The following KCTD13 variants were observed in gnomAD, a reference collection of about 807,000 sequenced individuals.
The protein encoded by KCTD13 is potassium channel tetramerization domain containing 13.
KCTD13 carries 15 observed loss-of-function variants against 32.3 expected under a neutral mutation model. The ratio of observed to expected loss-of-function variants is 0.46; its 90% CI spans 0.31 to 0.71. The LOEUF is 0.71. KCTD13 is among the 30% of genes least tolerant of loss of function. KCTD13 has a pLI of 0.05. For missense variants in KCTD13, 337 were observed against 452.6 expected, an observed-to-expected ratio of 0.74 and a Z score of 2.32; for synonymous variants, 189 against 200.1, an observed-to-expected ratio of 0.94 and a Z score of 0.47.
intron 5 of KCTD13, among the ~76,000 whole-genome samples, chr16:29,909,658 A>G (rs554970350): frequency 6.0e-5 from 9 of 150,728 alleles, no homozygotes; most frequent in Admixed American, 2.0e-4. Flanking sequence ...TTAAGAATCT[A>G]TTTTTGGCAA....
intron 2 of KCTD13, chr16:29,922,614 A>G (rs1353742527): frequency 6.2e-6 from 1 of 161,576 alleles, no homozygotes; most frequent in Non-Finnish European, 1.3e-5. Context: ...GGGGTCCACA[A>G]AAGTGGAGCC....
chr16:29,925,948 G>A lies in KCTD13; in HGVS notation c.86C>T (p.Ala29Val). 1 of 1,613,732 alleles carries A rather than the reference G, an allele frequency of 6.2e-7. No individual in the cohort carries two copies. Among genetic ancestry groups the A allele is most frequent in the Non-Finnish European group, 8.5e-7 (1 of 1,179,854 alleles). The stretch of plus-strand genomic sequence containing the variant: ...GGTCAGCGGCTTGAGACCGTAGGCG[G>A]CGGGGCCAGGCTCGAGACCCGAGGG... ...PKPSGLEPGPAAYGLKPLTPN... is the reference protein window; with the variant it reads ...PKPSGLEPGPVAYGLKPLTPN... The change falls in exon 1 of 6, where the codon GCC (alanine) becomes GTC (valine). Residue 29 changes from alanine (A) to valine (V), a missense_variant. By Grantham distance (64) the Ala-to-Val change is moderately conservative (BLOSUM62 0). Around this residue, in one of 3 missense-constraint regions of KCTD13, gnomAD observed 64 missense variants for 59.6 expected, o/e 1.07. Transcript: ENST00000568000.
In KCTD13 at chr16:29,906,961, G is replaced by A; in HGVS notation, c.901C>T (p.Arg301Ter). The change falls in exon 6 of 6, where the codon CGA (arginine) becomes TGA (stop). Residue 301 changes from arginine (R) to a stop codon, truncating the protein, a stop_gained. Coordinates refer to ENST00000568000, the MANE Select transcript of KCTD13 (RefSeq NM_178863.5). LOFTEE classifies it high-confidence loss of function. ...GAGRGEDEEN[R>*]EHRVRRIHVR... ...TGGATCCTGCGGACACGGTGCTCTC[G>A]GTTCTCTTCATCCTCCCCGCGGCCA... The A allele has an allele frequency of 1.2e-6, 2 of 1,614,150 alleles. No homozygotes were observed. Among genetic ancestry groups the A allele is most frequent in the Non-Finnish European group, 1.7e-6 (2 of 1,180,040 alleles).
Position 29,923,177 on chromosome 16 carries a change from C to G in KCTD13, c.414+13G>C. ...CCCAGGAACATAGGCATGGGGACTCCGAAGGCCCTCACCTGCAGCGCCAGC... is the reference window on the plus strand; with the variant it reads ...CCCAGGAACATAGGCATGGGGACTCGGAAGGCCCTCACCTGCAGCGCCAGC... On this transcript the variant is annotated intron_variant, in intron 2 of 5. Coordinates refer to ENST00000568000, the MANE Select transcript of KCTD13 (RefSeq NM_178863.5). The G allele has an allele frequency of 6.2e-7, 1 of 1,613,566 alleles. No homozygotes were observed.
At chr16:29,914,553 C>T (rs1178828934) in intron 2 of KCTD13, 1 of 151,946 alleles carries the variant, frequency 6.6e-6, no homozygotes, top group East Asian at 1.9e-4. Context: ...ATTCTCTTGC[C>T]TCAGCATCCC....
At chr16:29,920,645 A>G (rs2068894223) in intron 2 of KCTD13, 1 of 152,230 alleles carries the variant, frequency 6.6e-6, no homozygotes, top group African/African-American at 2.4e-5. Flanking sequence ...ATATGAAAAG[A>G]TGCTGAACCT....
At chr16:29,909,214 C>T (rs1434886360) in intron 5 of KCTD13, among the ~76,000 whole-genome samples, 1 of 152,134 alleles carries the variant, frequency 6.6e-6, no homozygotes, top group Non-Finnish European at 1.5e-5. Flanking sequence ...TGATAAAACA[C>T]TGTCTTTAGC....
At chr16:29,917,896 C>T (rs996687617) in intron 2 of KCTD13, among the ~76,000 whole-genome samples, 1 of 152,058 alleles carries the variant, frequency 6.6e-6, no homozygotes, top group Non-Finnish European at 1.5e-5. Flanking sequence ...TGCAGTGAGC[C>T]GAGATGACAC....
At chr16:29,923,055 C>T in intron 2 of KCTD13, 135 bp downstream of exon 2, 1 of 976,188 alleles carries the variant, frequency 1.0e-6, no homozygotes, top group Non-Finnish European at 1.5e-6. Context: ...AAGATGGCAC[C>T]TCAAATTCTC....
intron 2 of KCTD13, among the ~76,000 whole-genome samples, chr16:29,912,991 C>T (rs553636721): frequency 2.6e-5 from 4 of 152,296 alleles, no homozygotes; most frequent in African/African-American, 9.6e-5. Flanking sequence ...GCCAAAATCC[C>T]TCTCACTTCT....
Position 29,917,563 on chromosome 16 carries a change from C to T in KCTD13, c.415-5514G>A, listed in dbSNP as rs1308103441. 2.6e-5 allele frequency among the ~76,000 whole-genome samples: 4 copies of T among 152,108 alleles called. No homozygotes were observed. The East Asian group carries it at 5.8e-4, about 22-fold the overall frequency. ...TTGGGAGACCAAGGCGGGCGGATCA[C>T]GAGGTCAGGAGTTCGAGACCAGTCT... On this transcript the variant is annotated intron_variant, in intron 2 of 5. Coordinates refer to ENST00000568000, the MANE Select transcript of KCTD13 (RefSeq NM_178863.5).
chr16:29,924,304 C>T (rs774919270), intron 1 of KCTD13, among the ~76,000 whole-genome samples: 2 of 152,158 alleles, frequency 1.3e-5, no homozygotes, highest in Non-Finnish European at 2.9e-5. Context: ...GCGAGTTCTC[C>T]CTTAAGTTTT....
Position 29,907,012 on chromosome 16 carries a change from C to G in KCTD13, c.850G>C (p.Gly284Arg). The change falls in exon 6 of 6, where the codon GGG becomes CGG. Residue 284 changes from glycine (G) to arginine (R), a missense_variant. This residue lies in a region of KCTD13 where 252 missense variants were observed against 340.2 expected (regional missense o/e 0.74). Transcript: ENST00000568000. ...GCCCCACCAGCTCCAGCTGCTCCCC[C>G]TGTGGCCTCCAGGAGGGCTGGGTCT... ...GPDPALLEAT[G>R]GAAGAGGAGR... is the part of the protein sequence containing the mutation. 3 of 1,614,188 alleles carry G rather than the reference C, an allele frequency of 1.9e-6. No individual in the cohort carries two copies. Among genetic ancestry groups the G allele is most frequent in the Non-Finnish European group, 2.5e-6 (3 of 1,180,014 alleles).
At chr16:29,917,416 G>A (rs1054753819) in intron 2 of KCTD13, among the ~76,000 whole-genome samples, 6 of 152,188 alleles carry the variant, frequency 3.9e-5, no homozygotes, top group African/African-American at 1.4e-4. Flanking sequence ...GGAGGCCGAA[G>A]TGGGCAGATC....
rs1310897365 is a variant in KCTD13, at chr16:29,912,305, T to C, written c.415-256A>G. On this transcript the variant is annotated intron_variant, in intron 2 of 5. Transcript: ENST00000568000. ...TGGCTGTGCCCCTGCCCGGGATGCT[T>C]CTTTGCTCAGCTGTCAGCGTGGCGT... 9.0e-6 allele frequency: 5 copies of C among 555,128 alleles called. No homozygotes were observed. In the African/African-American group the frequency reaches 9.7e-5, roughly 11 times the overall value. The allele number at this position is 555,128 out of a possible 1,614,324, so 34.4% of individuals were successfully genotyped here.
intron 5 of KCTD13, among the ~76,000 whole-genome samples, chr16:29,908,174 TGGGGAG>T (rs1162614281): frequency 6.6e-6 from 1 of 151,818 alleles, no homozygotes; most frequent in Non-Finnish European, 1.5e-5. Context: ...AAGAGCAGCC[TGGGGAG>T]GGCCAGGGCC....
chr16:29,925,797 A>G lies in KCTD13; in HGVS notation c.237T>C (p.Asp79=). Residue 79 remains aspartate, a synonymous_variant, in exon 1 of 6, where the codon GAT becomes GAC. Coordinates refer to ENST00000568000, the MANE Select transcript of KCTD13 (RefSeq NM_178863.5). ...MFSGRVEVLT[D]AGGWVLIDRS... ...TAGGGGCGCCGCTCGTACCTCCGGCATCGGTCAGCACCTCCACGCGGCCGC... is the reference window on the plus strand; with the variant it reads ...TAGGGGCGCCGCTCGTACCTCCGGCGTCGGTCAGCACCTCCACGCGGCCGC... 6.2e-7 allele frequency: 1 copy of G among 1,613,670 alleles called. No individual in the cohort carries two copies.
Position 29,911,089 on chromosome 16 carries a change from C to G in KCTD13, c.642G>C (p.Lys214Asn). 6.2e-7 allele frequency: 1 copy of G among 1,614,210 alleles called. No homozygotes were observed. The highest frequency in any genetic ancestry group is 8.5e-7 in the Non-Finnish European group (1 of 1,180,014). ...LRFHGRLLFL[K>N]DVLGDEICCW... ...AGCAGATCTCGTCCCCCAGGACATCCTTGAGGAAGAGTAGCCGCCCGTGGA... is the reference window on the plus strand; with the variant it reads ...AGCAGATCTCGTCCCCCAGGACATCGTTGAGGAAGAGTAGCCGCCCGTGGA... Residue 214 changes from lysine to asparagine, a missense_variant, in exon 5 of 6, where the codon AAG becomes AAC. Physicochemically the swap from Lys to Asn is moderately conservative, Grantham distance 94 (BLOSUM62 0). This residue lies in a region of KCTD13 where 252 missense variants were observed against 340.2 expected (regional missense o/e 0.74). Coordinates refer to ENST00000568000, the MANE Select transcript of KCTD13 (RefSeq NM_178863.5).
Position 29,916,136 on chromosome 16 carries a change from G to A in KCTD13, c.415-4087C>T, listed in dbSNP as rs150442228. Among the ~76,000 whole-genome samples, 34 of 152,166 alleles carry A rather than the reference G, an allele frequency of 2.2e-4. No homozygotes were observed. The East Asian group carries it at 5.4e-3, about 24-fold the overall frequency. ...AGACAGTGTTGCTAAACTTTCTGCCGCTACACAAGGATCTCCTTTCCATCA... is the reference window on the plus strand; with the variant it reads ...AGACAGTGTTGCTAAACTTTCTGCCACTACACAAGGATCTCCTTTCCATCA... On this transcript the variant is annotated intron_variant, in intron 2 of 5. Transcript: ENST00000568000.
Sources: allele counts gnomAD v4.1 joint callset (sites outside exome capture counted in the v4.1 genomes callset), GRCh38; gene constraint gnomAD v4.1.1; regional missense constraint gnomAD v4.1.1; transcripts MANE v1.5; gene names NCBI Gene and HGNC (gene_info 2026-07-23, HGNC 2026-07-21).